TMEM178B: variants seen among roughly 807,000 people sequenced by gnomAD.
The protein encoded by TMEM178B is transmembrane protein 178B.
Under a neutral mutation model 31.0 loss-of-function variants are expected in TMEM178B, and 5 were observed. The ratio of observed to expected loss-of-function variants is 0.16; its 90% CI spans 0.08 to 0.34. The LOEUF is 0.34. Among genes scored for constraint, TMEM178B ranks in the 10% least tolerant of loss-of-function variants. The pLI, the probability that TMEM178B is intolerant of heterozygous loss-of-function variation, is 1.00. For missense variants in TMEM178B, 275 were observed against 400.3 expected, an observed-to-expected ratio of 0.69 and a Z score of 2.67; for synonymous variants, 164 against 164.0, an observed-to-expected ratio of 1.00 and a Z score of 0.00.
intron 1 of TMEM178B, among the ~76,000 whole-genome samples, chr7:141,208,027 C>A (rs1224337046): frequency 1.3e-5 from 2 of 151,736 alleles, no homozygotes; most frequent in South Asian, 2.1e-4. Flanking sequence ...CCCATCTCTA[C>A]TAAAAATAAA....
intron 2 of TMEM178B, among the ~76,000 whole-genome samples, chr7:141,292,634 C>CTTTTTTTTTT (rs34248650): frequency 1.9e-5 from 2 of 106,130 alleles, no homozygotes; most frequent in African/African-American, 3.6e-5. Flanking sequence ...GCTTTTAGAT[C>CTTTTTTTTTT]TTTTTTTTTT....
intron 2 of TMEM178B, among the ~76,000 whole-genome samples, chr7:141,333,351 C>CT (rs1799328744): frequency 6.6e-6 from 1 of 152,214 alleles, no homozygotes; most frequent in Admixed American, 6.5e-5. Flanking sequence ...TAATAATTCC[C>CT]TTTCTGGTTT....
intron 2 of TMEM178B, among the ~76,000 whole-genome samples, chr7:141,312,107 C>A (rs1227164331): frequency 6.6e-6 from 1 of 152,206 alleles, no homozygotes; most frequent in Non-Finnish European, 1.5e-5. Context: ...TCACATTTCC[C>A]ATTACCTCCC....
intron 2 of TMEM178B, among the ~76,000 whole-genome samples, chr7:141,319,674 A>T (rs1462376617): frequency 5.3e-5 from 8 of 152,098 alleles, no homozygotes; most frequent in Non-Finnish European, 7.4e-5. Context: ...GAGTAGCTGG[A>T]TTATAGGCAT....
intron 1 of TMEM178B, among the ~76,000 whole-genome samples, chr7:141,185,627 G>A (rs996572651): frequency 6.6e-6 from 1 of 152,108 alleles, no homozygotes; most frequent in Non-Finnish European, 1.5e-5. Context: ...TCGACGTCCA[G>A]CTGCTTGTGT....
In TMEM178B at chr7:141,388,620, G is replaced by A. The variant is rs143255907; in HGVS notation, c.497-48988G>A. On this transcript the variant is annotated intron_variant, in intron 2 of 3. Transcript: ENST00000565468. The stretch of plus-strand genomic sequence containing the variant: ...ACCTAATCCTAGAAATGGTTAAAGA[G>A]CTAATTGAAAAGTACTAGAGTAATA... Among the ~76,000 whole-genome samples, 25 of 152,276 alleles carry A rather than the reference G, an allele frequency of 1.6e-4. No homozygotes were observed. The East Asian group carries it at 4.8e-3, about 29-fold the overall frequency.
chr7:141,109,502 G>A (rs1281329726), intron 1 of TMEM178B, among the ~76,000 whole-genome samples: 1 of 152,070 alleles, frequency 6.6e-6, no homozygotes, highest in South Asian at 2.1e-4. Flanking sequence ...CTTTTCAAAG[G>A]CCTGGGTTCC....
At chr7:141,309,938 G>A (rs748767724) in intron 2 of TMEM178B, among the ~76,000 whole-genome samples, 47 of 152,098 alleles carry the variant, frequency 3.1e-4, no homozygotes, top group Non-Finnish European at 5.9e-4. Flanking sequence ...ATTAACTCAA[G>A]ATGGATTAAA....
At chr7:141,101,501 A>G (rs1314547150) in intron 1 of TMEM178B, among the ~76,000 whole-genome samples, 2 of 152,222 alleles carry the variant, frequency 1.3e-5, no homozygotes, top group Admixed American at 6.5e-5. Context: ...GCCCTTGTGG[A>G]CACACAGTGT....
At chr7:141,324,980 A>T (rs6967192) in intron 2 of TMEM178B, among the ~76,000 whole-genome samples, 1,633 of 152,144 alleles carry the variant, frequency 0.011, 26 homozygotes, top group African/African-American at 0.037. Context: ...CACAATTGGG[A>T]TTAGGACTCC....
intron 1 of TMEM178B, among the ~76,000 whole-genome samples, chr7:141,112,793 A>G (rs375041502): frequency 3.9e-5 from 6 of 152,118 alleles, no homozygotes; most frequent in African/African-American, 1.4e-4. Context: ...ACCTCTCAAA[A>G]CCATGCATTT....
chr7:141,484,108 G>A (rs1464535441), downstream of TMEM178B, among the ~76,000 whole-genome samples: 1 of 152,084 alleles, frequency 6.6e-6, no homozygotes. This position sits in a 1 kb window ranked among gnomAD's most constrained non-coding sequence, Gnocchi z 4.8. Flanking sequence ...CACACCCAAA[G>A]CTGACAGCAG....
chr7:141,457,241 A>C (rs918973450), intron 3 of TMEM178B, among the ~76,000 whole-genome samples: 1 of 152,232 alleles, frequency 6.6e-6, no homozygotes, highest in Non-Finnish European at 1.5e-5. Context: ...CTTTACAGCA[A>C]AATCAAATGT....
chr7:141,465,342 G>A, intron 3 of TMEM178B, among the ~76,000 whole-genome samples: 1 of 152,148 alleles, frequency 6.6e-6, no homozygotes, highest in Middle Eastern at 3.2e-3. Context: ...TTCCAGCAGA[G>A]CCATTTAAAA....
chr7:141,201,963 G>A lies in TMEM178B; in HGVS notation c.383-10628G>A, dbSNP rs189509450. 1.3e-3 allele frequency among the ~76,000 whole-genome samples: 200 copies of A among 152,234 alleles called. 1 individual carries two copies. The highest frequency in any genetic ancestry group is 2.2e-3 in the Non-Finnish European group (151 of 68,026). Reference sequence around the variant, plus strand: ...TTCCCAAGTTCTTTTGACATGTGTGGCAGGCGTACTTAAGAGTGTGTTAGG... The same window carrying A: ...TTCCCAAGTTCTTTTGACATGTGTGACAGGCGTACTTAAGAGTGTGTTAGG... On this transcript the variant is annotated intron_variant, in intron 1 of 3. Transcript: ENST00000565468.
chr7:141,329,826 A>G (rs80201037), intron 2 of TMEM178B, among the ~76,000 whole-genome samples: 7,227 of 152,302 alleles, frequency 0.047, 276 homozygotes, highest in East Asian at 0.17. Context: ...AAAATAGGAG[A>G]TGTGATCCCA....
intron 2 of TMEM178B, among the ~76,000 whole-genome samples, chr7:141,369,408 G>A (rs1294652843): frequency 6.6e-6 from 1 of 151,702 alleles, no homozygotes; most frequent in East Asian, 1.9e-4. Flanking sequence ...TCACCATAGA[G>A]AAGGTAAAAT....
chr7:141,357,551 G>C (rs1023580997), intron 2 of TMEM178B, among the ~76,000 whole-genome samples: 3 of 152,084 alleles, frequency 2.0e-5, no homozygotes, highest in Admixed American at 1.3e-4. Flanking sequence ...TCATGGACTT[G>C]GAAGGGAAAA....
At chr7:141,348,935 C>T (rs1799664114) in intron 2 of TMEM178B, among the ~76,000 whole-genome samples, 1 of 152,152 alleles carries the variant, frequency 6.6e-6, no homozygotes, top group Non-Finnish European at 1.5e-5. Context: ...GGGTTCATGA[C>T]TGGGTAACGG....
Sources: gnomAD v4.1 joint callset for allele counts (sites outside exome capture counted in the v4.1 genomes callset) on GRCh38, gnomAD v4.1.1 for gene constraint, Gnocchi (gnomAD v3.1) non-coding constraint, MANE v1.5 for transcripts, NCBI Gene and HGNC (gene_info 2026-07-23, HGNC 2026-07-21) for gene names.